PCDHA8: variants seen among roughly 807,000 people sequenced by gnomAD.
PCDHA8 encodes protocadherin alpha 8, also known as protocadherin alpha-8.
Under a neutral mutation model 61.8 loss-of-function variants are expected in PCDHA8, and 53 were observed. The observed-to-expected ratio is 0.86, with a 90% CI of 0.69 to 1.08. PCDHA8 has a LOEUF of 1.08. Ranked by LOEUF, PCDHA8 falls within the 50% of genes least tolerant of loss-of-function variation. PCDHA8 has a pLI of 0.00. For synonymous variants in PCDHA8, 618 were observed against 556.6 expected (o/e 1.11, Z -1.55); for missense variants, 1,293 against 1,245.0 (o/e 1.04, Z -0.58).
At chr5:140,949,237 A>G (rs1239213091) in intron 1 of PCDHA8, among the ~76,000 whole-genome samples, 1 of 151,790 alleles carries the variant, frequency 6.6e-6, no homozygotes, top group South Asian at 2.1e-4. Context: ...GTGGCCCAGC[A>G]ACAGTCTATC....
chr5:140,854,582 T>TA (rs757658134), intron 1 of PCDHA8: 9 of 149,824 alleles, frequency 6.0e-5, no homozygotes, highest in Non-Finnish European at 1.0e-4. Context: ...CAGATTTTAA[T>TA]AAAAAAAGTT....
chr5:140,883,403 T>C (rs1009539034), intron 1 of PCDHA8: 1 of 1,614,168 alleles, frequency 6.2e-7, no homozygotes, highest in Non-Finnish European at 8.5e-7. Context: ...CGATCGTGAC[T>C]CTGGCTCAAA....
rs2150347942 is a variant in PCDHA8 at position 140,842,929 on chromosome 5, C to G, written c.1608C>G (p.Ser536Arg). The change falls in exon 1 of 4, where the codon AGC (serine) becomes AGG (arginine). Residue 536 changes from serine (S) to arginine (R), a missense_variant. Ser to Arg is a moderately radical substitution (Grantham distance 110). Coordinates refer to ENST00000531613, the MANE Select transcript of PCDHA8 (RefSeq NM_018911.3). ...EELELLQFQV[S>R]ARDAGVPPLG... ...TAGAGCTGCTGCAGTTCCAGGTGAG[C>G]GCGCGCGACGCGGGCGTGCCGCCTC... is the stretch of plus-strand genomic sequence containing the variant. The G allele has an allele frequency of 1.2e-5, 19 of 1,594,384 alleles. No individual in the cohort carries two copies. The East Asian group carries it at 3.8e-4, about 32-fold the overall frequency.
At chr5:140,951,343 G>C (rs2094573680) in intron 1 of PCDHA8, among the ~76,000 whole-genome samples, 1 of 151,988 alleles carries the variant, frequency 6.6e-6, no homozygotes, top group South Asian at 2.1e-4. Flanking sequence ...GTTTGTGTTA[G>C]TCCATTATTG....
intron 1 of PCDHA8, among the ~76,000 whole-genome samples, chr5:140,923,269 T>C (rs1554201320): frequency 6.6e-6 from 1 of 152,218 alleles, no homozygotes; most frequent in Non-Finnish European, 1.5e-5. Flanking sequence ...TGAGACCTTG[T>C]CTCTACAAAA....
intron 1 of PCDHA8, among the ~76,000 whole-genome samples, chr5:140,895,293 G>A (rs759197253): frequency 5.9e-5 from 9 of 151,430 alleles, no homozygotes; most frequent in African/African-American, 9.7e-5. Flanking sequence ...TAGGACCTTC[G>A]ATTTCCCCCC....
intron 1 of PCDHA8, chr5:140,854,088 G>A (rs1262177028): frequency 3.8e-6 from 1 of 266,394 alleles, no homozygotes; most frequent in African/African-American, 2.4e-5. Context: ...CTTGAGCCTG[G>A]GACATTGAGG....
At chr5:140,950,548 G>T (rs1363394631) in intron 1 of PCDHA8, among the ~76,000 whole-genome samples, 2 of 151,990 alleles carry the variant, frequency 1.3e-5, no homozygotes, top group African/African-American at 4.8e-5. Context: ...TTGCATGGCT[G>T]GGGGGACACT....
chr5:140,859,656 C>A (rs2045955130), intron 1 of PCDHA8: 1 of 155,362 alleles, frequency 6.4e-6, no homozygotes, highest in Admixed American at 6.4e-5. Context: ...TCAGTACGTG[C>A]TTCACAAATA....
In PCDHA8 at chr5:140,841,479, G is replaced by T. The variant is rs2150316299; in HGVS notation, c.158G>T (p.Gly53Val). The T allele has an allele frequency of 6.2e-7, 1 of 1,613,084 alleles. No homozygotes were observed. The highest frequency in any genetic ancestry group is 8.5e-7 in the Non-Finnish European group (1 of 1,179,928). ...TFVGRIAQDL[G>V]LELAELVPRL... ...GTGGGCCGGATCGCGCAGGACCTGG[G>T]GCTGGAGCTGGCGGAGCTGGTGCCG... Residue 53 changes from glycine (G) to valine (V), a missense_variant, in exon 1 of 4, where the codon GGG becomes GTG. Gly to Val is a moderately radical substitution (Grantham distance 109, BLOSUM62 -3). Coordinates refer to ENST00000531613, the MANE Select transcript of PCDHA8 (RefSeq NM_018911.3).
intron 1 of PCDHA8, among the ~76,000 whole-genome samples, chr5:140,970,591 T>G (rs1159349152): frequency 2.6e-5 from 4 of 152,150 alleles, no homozygotes; most frequent in African/African-American, 9.7e-5. Flanking sequence ...GAGATATGCT[T>G]TGTGATACTT....
chr5:140,958,484 G>T (rs246009), intron 1 of PCDHA8, among the ~76,000 whole-genome samples: 1 of 151,754 alleles, frequency 6.6e-6, no homozygotes, highest in Non-Finnish European at 1.5e-5. Flanking sequence ...AGAGCACTAA[G>T]TCCACATATC....
chr5:140,865,536 A>G (rs2048910301), intron 1 of PCDHA8: 1 of 152,222 alleles, frequency 6.6e-6, no homozygotes, highest in African/African-American at 2.4e-5. Flanking sequence ...CTTCATCCAT[A>G]GCTATAGGAC....
At chr5:140,884,543 T>A (rs1582792528) in intron 1 of PCDHA8, 1 of 1,614,034 alleles carries the variant, frequency 6.2e-7, no homozygotes, top group Non-Finnish European at 8.5e-7. Flanking sequence ...GCCGAGGGTG[T>A]GCTCTGGGGA....
chr5:140,903,760 C>T (rs1252310927), intron 1 of PCDHA8, among the ~76,000 whole-genome samples: 2 of 152,108 alleles, frequency 1.3e-5, no homozygotes, highest in Non-Finnish European at 2.9e-5. Flanking sequence ...TTGATTTTTG[C>T]TGAACTTTTC....
chr5:140,981,456 C>G (rs2096933076), intron 2 of PCDHA8, among the ~76,000 whole-genome samples: 1 of 152,054 alleles, frequency 6.6e-6, no homozygotes, highest in African/African-American at 2.4e-5. Flanking sequence ...TGCCTGTAGT[C>G]CCAGCTACTT....
At chr5:140,857,859 C>T (rs1554150765) in intron 1 of PCDHA8, 3 of 1,597,718 alleles carry the variant, frequency 1.9e-6, no homozygotes, top group Non-Finnish European at 2.6e-6. Context: ...GGATACAACG[C>T]GTGGCTGTCG....
chr5:140,966,453 C>G, intron 1 of PCDHA8: 1 of 426,310 alleles, frequency 2.3e-6, no homozygotes, highest in Non-Finnish European at 4.1e-6. Flanking sequence ...TTCCCCCTCC[C>G]CCTCTGTCTT....
chr5:140,850,112 C>G, intron 1 of PCDHA8: 1 of 1,596,024 alleles, frequency 6.3e-7, no homozygotes, highest in Non-Finnish European at 8.6e-7. Context: ...GCGCGCGCGA[C>G]GCGGGCGTGC....
Sources: gnomAD v4.1 joint callset for allele counts (sites outside exome capture counted in the v4.1 genomes callset) on GRCh38, gnomAD v4.1.1 for gene constraint, MANE v1.5 for transcripts, NCBI Gene and HGNC (gene_info 2026-07-23, HGNC 2026-07-21) for gene names.